The following LARP4B variants were observed in gnomAD, a reference collection of about 807,000 sequenced individuals.
LARP4B encodes La ribonucleoprotein 4B, also known as la-related protein 4B.
In LARP4B, 12 loss-of-function variants were observed where a neutral mutation model predicts 89.8. The observed-to-expected ratio is 0.13, with a 90% CI of 0.09 to 0.22. LARP4B has a LOEUF of 0.22. LARP4B is among the 10% of genes least tolerant of loss of function. The pLI, the probability that LARP4B is intolerant of heterozygous loss-of-function variation, is 1.00. For synonymous variants in LARP4B, 367 were observed against 363.3 expected, an observed-to-expected ratio of 1.01 and a Z score of -0.12; for missense variants, 757 against 947.7, an observed-to-expected ratio of 0.80 and a Z score of 2.64.
chr10:960,767 T>TTGA, the LARP4B span, among the ~76,000 whole-genome samples: 2 of 145,392 alleles, frequency 1.4e-5, no homozygotes, highest in Non-Finnish European at 3.0e-5. Context: ...TACCAAATGA[T>TTGA]TGATGAATTA....
intron 3 of LARP4B, among the ~76,000 whole-genome samples, chr10:868,057 G>A (rs533794335): frequency 5.3e-5 from 8 of 151,818 alleles, no homozygotes; most frequent in African/African-American, 1.9e-4. Flanking sequence ...CATCCTGTGC[G>A]AAACAATATG....
rs1273796010 is a variant in LARP4B at position 928,282 on chromosome 10, C to T, written c.-40+3146G>A. 2.0e-5 allele frequency among the ~76,000 whole-genome samples: 3 copies of T among 151,730 alleles called. No homozygotes were observed. The East Asian group carries it at 5.8e-4, about 29-fold the overall frequency. On this transcript the variant is annotated intron_variant, in intron 1 of 17. Transcript: ENST00000316157. ...ACACTAGGATAAAAACAAATGAAAT[C>T]GATTGATGGTAACACATCTATACAG...
chr10:963,838 A>G, the LARP4B span, among the ~76,000 whole-genome samples: 2 of 152,212 alleles, frequency 1.3e-5, no homozygotes, highest in African/African-American at 4.8e-5. Context: ...AAGTTGCATC[A>G]GCATTAAGCC....
At chr10:832,498 G>C (rs982285134) in intron 8 of LARP4B, among the ~76,000 whole-genome samples, 4 of 152,246 alleles carry the variant, frequency 2.6e-5, no homozygotes, top group Admixed American at 2.0e-4. Flanking sequence ...ATAATGGCTC[G>C]ATAAATTTCA....
At chr10:945,582 G>A in the LARP4B span, among the ~76,000 whole-genome samples, 1 of 151,990 alleles carries the variant, frequency 6.6e-6, no homozygotes, top group Non-Finnish European at 1.5e-5. Flanking sequence ...CAGCTACTCG[G>A]GAGGCTGGGG....
At chr10:858,763 A>G (rs917266474) in intron 5 of LARP4B, among the ~76,000 whole-genome samples, 29 of 152,324 alleles carry the variant, frequency 1.9e-4, no homozygotes, top group Admixed American at 2.6e-4. Flanking sequence ...CAAATGGCCA[A>G]TAAGAACAAA....
intron 1 of LARP4B, among the ~76,000 whole-genome samples, chr10:906,844 C>CA (rs1836506178): frequency 6.6e-6 from 1 of 152,148 alleles, no homozygotes; most frequent in South Asian, 2.1e-4. Context: ...AGTTTCTATC[C>CA]CTGTCATGAA....
chr10:949,351 G>A, the LARP4B span, among the ~76,000 whole-genome samples: 7 of 147,816 alleles, frequency 4.7e-5, no homozygotes, highest in Middle Eastern at 3.7e-3. Context: ...TTTTCCAGGC[G>A]GCTGTACCAT....
At chr10:844,052 T>C (rs1833658061) in intron 6 of LARP4B, among the ~76,000 whole-genome samples, 1 of 152,224 alleles carries the variant, frequency 6.6e-6, no homozygotes, top group Non-Finnish European at 1.5e-5. Context: ...CTGAGCACAG[T>C]GCTGGGTTCC....
intron 1 of LARP4B, among the ~76,000 whole-genome samples, chr10:913,853 G>T (rs1451563281): frequency 2.0e-5 from 3 of 152,160 alleles, no homozygotes; most frequent in African/African-American, 7.2e-5. Context: ...ACGTTGCAGT[G>T]AGTTGAGATC....
the LARP4B span, among the ~76,000 whole-genome samples, chr10:957,815 T>C: frequency 6.6e-6 from 1 of 150,434 alleles, no homozygotes; most frequent in South Asian, 2.1e-4. Flanking sequence ...TTTTTTTTTT[T>C]TTTCTGGGTC....
At chr10:836,331 T>TAAAATA (rs1252409807) in intron 8 of LARP4B, 72 bp downstream of exon 8, 1 of 1,097,130 alleles carries the variant, frequency 9.1e-7, no homozygotes, top group Admixed American at 2.1e-5. Flanking sequence ...AACACAAAAG[T>TAAAATA]AAAATAAAAT....
At chr10:915,373 A>G (rs188719899) in intron 1 of LARP4B, among the ~76,000 whole-genome samples, 39 of 152,338 alleles carry the variant, frequency 2.6e-4, no homozygotes, top group Admixed American at 2.3e-3. Context: ...AGATGTTCAT[A>G]TAATATTAAT....
intron 7 of LARP4B, among the ~76,000 whole-genome samples, chr10:840,554 A>G (rs1178057839): frequency 6.6e-6 from 1 of 152,256 alleles, no homozygotes; most frequent in Non-Finnish European, 1.5e-5. Context: ...CTGTGTGTAT[A>G]TAACACAACG....
intron 5 of LARP4B, among the ~76,000 whole-genome samples, chr10:847,299 G>C (rs1833821261): frequency 6.6e-6 from 1 of 152,176 alleles, no homozygotes; most frequent in Admixed American, 6.5e-5. Flanking sequence ...GAGGAGCAAA[G>C]ACAATGACAA....
intron 3 of LARP4B, among the ~76,000 whole-genome samples, chr10:874,234 C>CACA (rs1554802252): frequency 6.6e-6 from 1 of 151,900 alleles, no homozygotes; most frequent in African/African-American, 2.4e-5. Context: ...GACTCCATCT[C>CACA]AAACAAAACA....
At chr10:909,401 C>T (rs1836605080) in intron 1 of LARP4B, among the ~76,000 whole-genome samples, 2 of 151,918 alleles carry the variant, frequency 1.3e-5, no homozygotes, top group South Asian at 4.1e-4. Flanking sequence ...ATTACACCTG[C>T]AGACCAGAAT....
chr10:864,359 A>G, intron 3 of LARP4B, 89 bp from the exon 4 acceptor site: 3 of 1,309,682 alleles, frequency 2.3e-6, no homozygotes, highest in Non-Finnish European at 3.3e-6. Flanking sequence ...GACATCAGAT[A>G]TAGGCTCCAA....
chr10:967,283 T>C, the LARP4B span, among the ~76,000 whole-genome samples: 4 of 152,152 alleles, frequency 2.6e-5, no homozygotes, highest in Non-Finnish European at 4.4e-5. Context: ...TGCTAGAATT[T>C]ACATCCTTAG....
Sources: gnomAD v4.1 joint callset for allele counts (sites outside exome capture counted in the v4.1 genomes callset) on GRCh38, gnomAD v4.1.1 for gene constraint, MANE v1.5 for transcripts, NCBI Gene and HGNC (gene_info 2026-07-23, HGNC 2026-07-21) for gene names.